Variants in TMEM164 observed in about 807,000 individuals in gnomAD.
TMEM164 encodes the protein transmembrane protein 164, also known as RP13-360B22.2.
Under a neutral mutation model 18.8 loss-of-function variants are expected in TMEM164, and 4 were observed. That is an observed-to-expected ratio of 0.21 (90% confidence interval 0.10 to 0.49). The LOEUF (loss-of-function observed/expected upper bound fraction) is 0.49, where lower values mean the gene tolerates loss of function less well. Among genes scored for constraint, TMEM164 ranks in the 20% least tolerant of loss-of-function variants. TMEM164 has a pLI of 0.98. For synonymous variants in TMEM164, 86 were observed against 101.7 expected (o/e 0.85, Z 0.93); for missense variants, 108 against 239.9 (o/e 0.45, Z 3.63).
chrX:110,171,598 C>A, intron 6 of TMEM164, 78 bp downstream of exon 6: 2 of 829,451 alleles, frequency 2.4e-6, no homozygotes, highest in Non-Finnish European at 3.6e-6. Flanking sequence ...TTGGTGCTGA[C>A]GTATCACTTT....
chrX:110,080,152 G>C (rs1217847104), intron 3 of TMEM164, among the ~76,000 whole-genome samples: 1 of 110,648 alleles, frequency 9.0e-6, no homozygotes, highest in Non-Finnish European at 1.9e-5. Flanking sequence ...GTTCTGGTAG[G>C]GGCTCTTTTC....
chrX:110,081,972 C>T (rs1298136723), intron 3 of TMEM164: 1 of 112,581 alleles, frequency 8.9e-6, no homozygotes, highest in East Asian at 2.8e-4. Flanking sequence ...GGATTCTCCA[C>T]ATGGTTCCCA....
chrX:110,014,744 C>CTTTTTTTT (rs142705177), intron 2 of TMEM164, among the ~76,000 whole-genome samples: 26 of 54,190 alleles, frequency 4.8e-4, no homozygotes, highest in Non-Finnish European at 6.1e-4. Flanking sequence ...TTGGTTGTTT[C>CTTTTTTTT]TTTTTTTTTT....
chrX:110,047,809 C>T (rs996546176), intron 2 of TMEM164, among the ~76,000 whole-genome samples: 3 of 111,765 alleles, frequency 2.7e-5, no homozygotes, highest in African/African-American at 3.3e-5. Context: ...GGTTCAGGTT[C>T]CCAGACCAGC....
At chrX:110,079,172 G>A (rs1474386801) in intron 3 of TMEM164, among the ~76,000 whole-genome samples, 5 of 111,531 alleles carry the variant, frequency 4.5e-5, no homozygotes, top group Non-Finnish European at 7.5e-5. Flanking sequence ...ATTTCCCGTC[G>A]AAACTCTCAG....
Position 110,021,752 on chromosome X carries a change from C to T in TMEM164, c.390+17588C>T, listed in dbSNP as rs1033718080. Among the ~76,000 whole-genome samples, 4 of 112,209 alleles carry T rather than the reference C, an allele frequency of 3.6e-5. No homozygotes were observed. The South Asian group carries it at 1.5e-3, about 41-fold the overall frequency. ...ATGGTTGGGGACTAGGCTGGACTAGCTAATCGCCTTCTCTAACGGTAGGTT... is the reference window on the plus strand; with the variant it reads ...ATGGTTGGGGACTAGGCTGGACTAGTTAATCGCCTTCTCTAACGGTAGGTT... On this transcript the variant is annotated intron_variant, in intron 2 of 6. Coordinates refer to ENST00000372068, the MANE Select transcript of TMEM164 (RefSeq NM_032227.4).
At chrX:110,077,020 C>A (rs908963602) in intron 3 of TMEM164, among the ~76,000 whole-genome samples, 29 of 111,925 alleles carry the variant, frequency 2.6e-4, no homozygotes, top group African/African-American at 9.1e-4. Flanking sequence ...TGTTCATTTT[C>A]TGACTTGATG....
downstream of TMEM164, among the ~76,000 whole-genome samples, chrX:110,181,219 G>A (rs763318762): frequency 2.7e-5 from 3 of 111,968 alleles, no homozygotes; most frequent in African/African-American, 9.8e-5. Flanking sequence ...TGACCTGACC[G>A]TCTATAGCAG....
At chrX:110,015,471 G>A (rs929641966) in intron 2 of TMEM164, among the ~76,000 whole-genome samples, 3 of 111,726 alleles carry the variant, frequency 2.7e-5, no homozygotes, top group Non-Finnish European at 5.6e-5. Flanking sequence ...TTGTAACAAA[G>A]GGTCCTCTTC....
At chrX:110,114,057 AG>A (rs1360508512) in intron 4 of TMEM164, among the ~76,000 whole-genome samples, 1 of 111,747 alleles carries the variant, frequency 8.9e-6, no homozygotes, top group Admixed American at 9.5e-5. Flanking sequence ...GGGTAAATTT[AG>A]GAGGATAAAT....
intron 2 of TMEM164, among the ~76,000 whole-genome samples, chrX:110,018,192 A>G (rs946413898): frequency 2.7e-5 from 3 of 112,562 alleles, no homozygotes; most frequent in African/African-American, 9.7e-5. Flanking sequence ...CAAGGGATCA[A>G]AATTAGAACC....
In TMEM164 at chrX:110,049,581, C is replaced by A. The variant is rs770828298; in HGVS notation, c.391-17766C>A. 2.4e-3 allele frequency among the ~76,000 whole-genome samples: 264 copies of A among 111,398 alleles called. 1 individual carries two copies. Among genetic ancestry groups the A allele is most frequent in the African/African-American group, 8.2e-3 (251 of 30,634 alleles). On this transcript the variant is annotated intron_variant, in intron 2 of 6. Coordinates refer to ENST00000372068, the MANE Select transcript of TMEM164 (RefSeq NM_032227.4). Reference sequence around the variant, plus strand: ...TCACTCATCTGGCACTCACTTCCTGCTGTGTGGCTTGGTTCCTAACAGGCC... The same window carrying A: ...TCACTCATCTGGCACTCACTTCCTGATGTGTGGCTTGGTTCCTAACAGGCC...
chrX:110,038,164 G>C (rs1472769834), intron 2 of TMEM164, among the ~76,000 whole-genome samples: 2 of 107,798 alleles, frequency 1.9e-5, no homozygotes, highest in Admixed American at 1.9e-4. Context: ...CTAATTTTTT[G>C]TATTTTTAGT....
intron 3 of TMEM164, among the ~76,000 whole-genome samples, chrX:110,091,112 G>T (rs1392087382): frequency 9.0e-6 from 1 of 111,520 alleles, no homozygotes; most frequent in East Asian, 2.8e-4. Context: ...TATCATTGAT[G>T]GACATTTGGG....
intron 2 of TMEM164, among the ~76,000 whole-genome samples, chrX:110,062,155 G>A (rs1429341716): frequency 9.0e-6 from 1 of 111,545 alleles, no homozygotes; most frequent in African/African-American, 3.3e-5. Context: ...GACAGCCTGG[G>A]AAAATTTTTT....
At chrX:110,140,250 AG>A (rs1449051638) in intron 4 of TMEM164, among the ~76,000 whole-genome samples, 2 of 111,454 alleles carry the variant, frequency 1.8e-5, no homozygotes, top group Non-Finnish European at 3.8e-5. Flanking sequence ...CAGAGTGGTT[AG>A]CAAGGAGGCA....
At chrX:110,124,977 C>G (rs956568723) in intron 4 of TMEM164, among the ~76,000 whole-genome samples, 1 of 112,236 alleles carries the variant, frequency 8.9e-6, no homozygotes, top group Non-Finnish European at 1.9e-5. Context: ...TAATAACTAG[C>G]AATAATTCCT....
intron 3 of TMEM164, among the ~76,000 whole-genome samples, chrX:110,096,694 C>T (rs969017738): frequency 8.9e-6 from 1 of 112,066 alleles, no homozygotes; most frequent in African/African-American, 3.2e-5. Flanking sequence ...CACCCACTGT[C>T]CAACAATCCC....
chrX:110,105,312 A>AT (rs764505545), intron 3 of TMEM164, among the ~76,000 whole-genome samples: 1 of 110,675 alleles, frequency 9.0e-6, no homozygotes, highest in Non-Finnish European at 1.9e-5. Flanking sequence ...ATTTTAATGC[A>AT]TTTTTTAAAT....
Sources: allele counts gnomAD v4.1 joint callset (sites outside exome capture counted in the v4.1 genomes callset), GRCh38; gene constraint gnomAD v4.1.1; transcripts MANE v1.5; gene names NCBI Gene and HGNC (gene_info 2026-07-23, HGNC 2026-07-21).